The following ANO2 variants were observed in gnomAD, a reference collection of about 807,000 sequenced individuals.
The protein encoded by ANO2 is anoctamin 2, also known as anoctamin-2.
ANO2 carries 101 observed loss-of-function variants against 124.2 expected under a neutral mutation model. That is an observed-to-expected ratio of 0.81 (90% CI 0.69 to 0.96). The LOEUF is 0.96. ANO2 is among the 40% of genes least tolerant of loss of function. ANO2 has a pLI of 0.00. For missense variants in ANO2, 1,293 were observed against 1,274.5 expected, an observed-to-expected ratio of 1.01 and a Z score of -0.22; for synonymous variants, 486 against 482.5, an observed-to-expected ratio of 1.01 and a Z score of -0.09.
intron 14 of ANO2, among the ~76,000 whole-genome samples, chr12:5,656,039 CAAGGGAATAGTGGGAGTAA>C (rs1319123231): frequency 6.6e-6 from 1 of 152,134 alleles, no homozygotes; most frequent in Non-Finnish European, 1.5e-5. Context: ...GAGGAAATTT[CAAGGGAATAGTGGGAGTAA>C]AACCAACACT....
At chr12:5,735,536 C>T (rs1318025419) in intron 13 of ANO2, among the ~76,000 whole-genome samples, 1 of 152,132 alleles carries the variant, frequency 6.6e-6, no homozygotes, top group African/African-American at 2.4e-5. Flanking sequence ...AGAAAAGGTA[C>T]AGTGAGTAAA....
intron 10 of ANO2, among the ~76,000 whole-genome samples, chr12:5,795,190 G>T (rs906320829): frequency 9.9e-5 from 15 of 152,206 alleles, no homozygotes; most frequent in African/African-American, 3.4e-4. Flanking sequence ...AGAGAGGGCT[G>T]GTAGAGATGT....
chr12:5,728,383 A>T (rs1040793464), intron 14 of ANO2, among the ~76,000 whole-genome samples: 1 of 152,158 alleles, frequency 6.6e-6, no homozygotes, highest in African/African-American at 2.4e-5. Context: ...AAATAAAATC[A>T]AGAAAACTAT....
chr12:5,868,309 A>T (rs1190293283), intron 3 of ANO2, among the ~76,000 whole-genome samples: 1 of 152,204 alleles, frequency 6.6e-6, no homozygotes, highest in Non-Finnish European at 1.5e-5. Context: ...AGCAGGGCAC[A>T]TTAAAGAAGA....
At chr12:5,732,916 G>A (rs777685190) in intron 13 of ANO2, 1 of 1,613,670 alleles carries the variant, frequency 6.2e-7, no homozygotes, top group South Asian at 1.1e-5. Context: ...GAGAGGAAAT[G>A]TTAACTGGAT....
chr12:5,921,411 G>A lies in ANO2; in HGVS notation c.208-45C>T, dbSNP rs760471139. The A allele has an allele frequency of 1.3e-5, 21 of 1,573,474 alleles. No homozygotes were observed. The East Asian group carries it at 4.5e-4, about 34-fold the overall frequency. On this transcript the variant is annotated intron_variant, in intron 2 of 24. Coordinates refer to ENST00000682330, the MANE Select transcript of ANO2 (RefSeq NM_001364791.2). Reference sequence around the variant, plus strand: ...AGGCAGGGCAAGGTCTGGTGAGTAAGGGGTGAGAAACAGAGGAGGCTGATC... The same window carrying A: ...AGGCAGGGCAAGGTCTGGTGAGTAAAGGGTGAGAAACAGAGGAGGCTGATC...
At chr12:5,573,961 T>C (rs1468228320) in intron 23 of ANO2, among the ~76,000 whole-genome samples, 2 of 152,234 alleles carry the variant, frequency 1.3e-5, no homozygotes, top group African/African-American at 4.8e-5. Flanking sequence ...AATCTGAACC[T>C]ATGTGGCTGT....
chr12:5,927,061 C>G (rs1286187398), intron 1 of ANO2, among the ~76,000 whole-genome samples: 1 of 152,184 alleles, frequency 6.6e-6, no homozygotes, highest in African/African-American at 2.4e-5. Flanking sequence ...TCCGTCTCTT[C>G]TCCACTTCAT....
intron 3 of ANO2, among the ~76,000 whole-genome samples, chr12:5,906,136 A>G (rs1940664627): frequency 1.3e-5 from 2 of 152,124 alleles, no homozygotes; most frequent in African/African-American, 2.4e-5. Context: ...GCTGACACAC[A>G]GAGATCCCAG....
intron 3 of ANO2, among the ~76,000 whole-genome samples, chr12:5,885,244 G>A (rs551289554): frequency 1.3e-5 from 2 of 152,330 alleles, no homozygotes; most frequent in South Asian, 2.1e-4. Flanking sequence ...AAGGAGTGAG[G>A]CTTTACAAGG....
intron 14 of ANO2, among the ~76,000 whole-genome samples, chr12:5,703,379 A>T (rs1949481758): frequency 6.6e-6 from 1 of 152,190 alleles, no homozygotes; most frequent in South Asian, 2.1e-4. Context: ...TGGTAACGTC[A>T]AGGAAGGGAA....
At chr12:5,697,543 AT>A (rs1157224708) in intron 14 of ANO2, among the ~76,000 whole-genome samples, 4 of 152,238 alleles carry the variant, frequency 2.6e-5, no homozygotes, top group African/African-American at 7.2e-5. Context: ...CAGAAGACGG[AT>A]GATTTCTGCA....
At chr12:5,845,682 T>C (rs896500802) in intron 4 of ANO2, among the ~76,000 whole-genome samples, 4 of 152,148 alleles carry the variant, frequency 2.6e-5, no homozygotes, top group African/African-American at 9.7e-5. Context: ...CAGTTATGGA[T>C]TTTTCAGTAA....
At chr12:5,855,092 G>A (rs1955058826) in intron 3 of ANO2, among the ~76,000 whole-genome samples, 1 of 152,188 alleles carries the variant, frequency 6.6e-6, no homozygotes, top group Admixed American at 6.5e-5. Context: ...AAAACTACCT[G>A]CAAAATTAAG....
At chr12:5,861,137 CA>C (rs1203653451) in intron 3 of ANO2, among the ~76,000 whole-genome samples, 3 of 152,160 alleles carry the variant, frequency 2.0e-5, no homozygotes, top group African/African-American at 7.2e-5. Flanking sequence ...TCTCCAGTAA[CA>C]AAGGAAGACC....
At chr12:5,902,410 C>A (rs1184201847) in intron 3 of ANO2, among the ~76,000 whole-genome samples, 1 of 150,902 alleles carries the variant, frequency 6.6e-6, no homozygotes, top group Non-Finnish European at 1.5e-5. Context: ...TATAGTGAGA[C>A]CCCCATCTCT....
At chr12:5,861,354 G>A (rs73255197) in intron 3 of ANO2, among the ~76,000 whole-genome samples, 2,637 of 152,136 alleles carry the variant, frequency 0.017, 69 homozygotes, top group African/African-American at 0.056. Context: ...GAAGGGGTTC[G>A]TACCCCCAGC....
intron 16 of ANO2, among the ~76,000 whole-genome samples, chr12:5,634,336 T>A (rs1301267835): frequency 6.6e-6 from 1 of 152,084 alleles, no homozygotes; most frequent in East Asian, 1.9e-4. Context: ...GGTCCATGAA[T>A]TAAAGGCATC....
intron 14 of ANO2, among the ~76,000 whole-genome samples, chr12:5,714,527 A>G (rs183618508): frequency 6.6e-6 from 1 of 152,202 alleles, no homozygotes; most frequent in Non-Finnish European, 1.5e-5. Flanking sequence ...TATGGGATAA[A>G]GGCTAAAAAA....
Sources: gnomAD v4.1 joint callset for allele counts (sites outside exome capture counted in the v4.1 genomes callset) on GRCh38, gnomAD v4.1.1 for gene constraint, MANE v1.5 for transcripts, NCBI Gene and HGNC (gene_info 2026-07-23, HGNC 2026-07-21) for gene names.